Variants in ARFIP1 observed in about 807,000 individuals in gnomAD.
The protein encoded by ARFIP1 is arfaptin-1.
ARFIP1 carries 24 observed loss-of-function variants against 42.5 expected under a neutral mutation model. The ratio of observed to expected loss-of-function variants is 0.57; its 90% CI spans 0.41 to 0.80. The LOEUF is 0.80. Ranked by LOEUF, ARFIP1 falls within the 30% of genes least tolerant of loss-of-function variation. The pLI is 0.00. For synonymous variants in ARFIP1, 141 were observed against 153.7 expected (o/e 0.92, Z 0.61); for missense variants, 354 against 434.0 (o/e 0.82, Z 1.64).
chr4:152,907,673 C>G (rs1435117710), intron 8 of ARFIP1, among the ~76,000 whole-genome samples: 2 of 152,168 alleles, frequency 1.3e-5, no homozygotes, highest in Admixed American at 6.5e-5. Context: ...TTTGCTTGAC[C>G]TGATACTCCT....
chr4:152,870,993 A>G (rs1284244129), intron 4 of ARFIP1, 145 bp downstream of exon 4: 2 of 542,656 alleles, frequency 3.7e-6, no homozygotes, highest in Non-Finnish European at 6.2e-6. Flanking sequence ...CAATAAAGGA[A>G]ATAATTTTTC....
At chr4:152,802,234 T>C (rs184663178) in intron 1 of ARFIP1, among the ~76,000 whole-genome samples, 1 of 152,338 alleles carries the variant, frequency 6.6e-6, no homozygotes, top group Admixed American at 6.5e-5. Context: ...ATGATCTCTC[T>C]TGAGATGCAT....
At chr4:152,887,232 G>A (rs2149896348) in intron 7 of ARFIP1, among the ~76,000 whole-genome samples, 1 of 152,088 alleles carries the variant, frequency 6.6e-6, no homozygotes, top group South Asian at 2.1e-4. Context: ...GCTATTATGA[G>A]GAGTTATGGG....
intron 1 of ARFIP1, among the ~76,000 whole-genome samples, chr4:152,804,183 A>ATATT (rs1468736870): frequency 8.5e-6 from 1 of 117,806 alleles, no homozygotes. Flanking sequence ...TGTATTATAT[A>ATATT]TTATATATAA....
At chr4:152,907,230 G>A (rs143535028) in intron 8 of ARFIP1, among the ~76,000 whole-genome samples, 11 of 152,230 alleles carry the variant, frequency 7.2e-5, no homozygotes, top group Non-Finnish European at 1.6e-4. Context: ...TATGAATGGA[G>A]GTAAGTAACA....
intron 1 of ARFIP1, among the ~76,000 whole-genome samples, chr4:152,797,581 A>G (rs776635334): frequency 2.6e-5 from 4 of 152,210 alleles, no homozygotes; most frequent in Admixed American, 1.3e-4. Flanking sequence ...CTGTCTTAGA[A>G]TGGGGATATC....
At chr4:152,873,987 A>G (rs553661551) in intron 5 of ARFIP1, among the ~76,000 whole-genome samples, 4 of 152,300 alleles carry the variant, frequency 2.6e-5, no homozygotes, top group African/African-American at 4.8e-5. Context: ...TCATAAGACT[A>G]TATCTGCCTC....
intron 2 of ARFIP1, among the ~76,000 whole-genome samples, chr4:152,843,434 G>A (rs1260898397): frequency 1.3e-5 from 2 of 149,578 alleles, no homozygotes; most frequent in Non-Finnish European, 3.0e-5. Flanking sequence ...AGCATCAGCT[G>A]TAGTAATGTG....
At chr4:152,837,783 A>G (rs377690022) in intron 2 of ARFIP1, among the ~76,000 whole-genome samples, 18 of 152,216 alleles carry the variant, frequency 1.2e-4, no homozygotes, top group Non-Finnish European at 2.5e-4. Context: ...TAGTTTAATT[A>G]GGTCCCAGCT....
chr4:152,819,110 G>T (rs1236412693), intron 1 of ARFIP1, among the ~76,000 whole-genome samples: 1 of 152,136 alleles, frequency 6.6e-6, no homozygotes, highest in Non-Finnish European at 1.5e-5. Flanking sequence ...AGGCAGCAGA[G>T]TACCTCCCCT....
Position 152,894,826 on chromosome 4 carries a change from A to T in ARFIP1, c.966+6519A>T, listed in dbSNP as rs531864239. On this transcript the variant is annotated intron_variant, in intron 8 of 8. Coordinates refer to ENST00000353617, the MANE Select transcript of ARFIP1 (RefSeq NM_001025595.3). The stretch of plus-strand genomic sequence containing the variant: ...GACTGGTGCTCTCAAGGGAAGGTAC[A>T]TGGTCACTTAAGAGTGGTTGGGGAA... Among the ~76,000 whole-genome samples, 24 of 152,324 alleles carry T rather than the reference A, an allele frequency of 1.6e-4. No homozygotes were observed. In the South Asian group the frequency reaches 2.3e-3, roughly 14 times the overall value.
rs142814353 is a variant in ARFIP1 at position 152,795,162 on chromosome 4, T to TTTTG, written c.-10+14964_-10+14967dup. Reference sequence around the variant, plus strand: ...AGTTTCTGGTTTATCCTTCCGGTGTTTTTGTTTGTTTGTTTGTTTGTTTGT... The same window carrying TTTTG: ...AGTTTCTGGTTTATCCTTCCGGTGTTTTTGTTTGTTTGTTTGTTTGTTTGTTTGT... On this transcript the variant is annotated intron_variant, in intron 1 of 8. Transcript: ENST00000353617. Among the ~76,000 whole-genome samples, 763 of 151,862 alleles carry TTTTG rather than the reference T, an allele frequency of 5.0e-3. 7 individuals are homozygous for TTTTG. The highest frequency in any genetic ancestry group is 0.016 in the African/African-American group (666 of 41,344).
intron 6 of ARFIP1, among the ~76,000 whole-genome samples, chr4:152,881,843 A>C (rs969998604): frequency 2.0e-5 from 3 of 152,328 alleles, no homozygotes; most frequent in Non-Finnish European, 2.9e-5. Context: ...TAAGAAACGT[A>C]ATTACAGCTA....
chr4:152,889,771 ATACTATATATACTATATATTATATAC>A (rs1203547495), intron 8 of ARFIP1, among the ~76,000 whole-genome samples: 41 of 55,896 alleles, frequency 7.3e-4, no homozygotes, highest in Middle Eastern at 0.014. Context: ...ACTATACTAT[ATACTATATATACTATATATTATATAC>A]TATACTATAT....
intron 5 of ARFIP1, among the ~76,000 whole-genome samples, chr4:152,877,352 T>C (rs1034401126): frequency 3.9e-5 from 6 of 152,186 alleles, no homozygotes; most frequent in Admixed American, 3.3e-4. Context: ...AGCTTTAAAA[T>C]TTGACTGCCC....
chr4:152,870,792 G>A lies in ARFIP1; in HGVS notation c.242G>A (p.Ser81Asn). The change falls in exon 4 of 9, where the codon AGC becomes AAC. Residue 81 changes from serine to asparagine, a missense_variant. Coordinates refer to ENST00000353617, the MANE Select transcript of ARFIP1 (RefSeq NM_001025595.3). ...CCACTGCCATCTGTTATGTCTCCTA[G>A]CAGGGTTGCAGCTAGTCGACTGGCT... Reference protein sequence around the residue: ...APPLPSVMSPSRVAASRLAQQ... With the variant: ...APPLPSVMSPNRVAASRLAQQ... The A allele has an allele frequency of 6.2e-7, 1 of 1,614,072 alleles. No homozygotes were observed. The highest frequency in any genetic ancestry group is 1.1e-5 in the South Asian group (1 of 91,086).
At chr4:152,784,823 C>G (rs1417886237) in intron 1 of ARFIP1, among the ~76,000 whole-genome samples, 1 of 152,226 alleles carries the variant, frequency 6.6e-6, no homozygotes, top group Non-Finnish European at 1.5e-5. Flanking sequence ...CATGTTCTCA[C>G]CTAAGATAAG....
chr4:152,895,707 T>A (rs1052214611), intron 8 of ARFIP1, among the ~76,000 whole-genome samples: 2 of 151,720 alleles, frequency 1.3e-5, no homozygotes, highest in African/African-American at 4.8e-5. Flanking sequence ...ATGACAGGCA[T>A]GTGCTGCTAG....
At chr4:152,804,221 A>ACG (rs1728732183) in intron 1 of ARFIP1, among the ~76,000 whole-genome samples, 1 of 118,756 alleles carries the variant, frequency 8.4e-6, no homozygotes, top group Non-Finnish European at 1.6e-5. Context: ...ATTATATATA[A>ACG]TATAACATGT....
Sources: allele counts gnomAD v4.1 joint callset (sites outside exome capture counted in the v4.1 genomes callset), GRCh38; gene constraint gnomAD v4.1.1; transcripts MANE v1.5; gene names NCBI Gene and HGNC (gene_info 2026-07-23, HGNC 2026-07-21).